The following SRRM4 variants were observed in gnomAD, a reference collection of about 807,000 sequenced individuals.
SRRM4 encodes serine/arginine repetitive matrix 4, also known as serine/arginine repetitive matrix protein 4.
A neutral mutation model predicts 68.9 loss-of-function variants in SRRM4; 33 were observed. That is an observed-to-expected ratio of 0.48 (90% CI 0.36 to 0.64). The LOEUF is 0.64. Ranked by LOEUF, SRRM4 falls within the 30% of genes least tolerant of loss-of-function variation. The pLI, the probability that SRRM4 is intolerant of heterozygous loss-of-function variation, is 0.00. For missense variants in SRRM4, 817 were observed against 827.1 expected, an observed-to-expected ratio of 0.99 and a Z score of 0.15; for synonymous variants, 318 against 318.8, an observed-to-expected ratio of 1.00 and a Z score of 0.03.
chr12:119,125,897 G>C (rs1241991812), intron 7 of SRRM4, among the ~76,000 whole-genome samples: 1 of 151,336 alleles, frequency 6.6e-6, no homozygotes, highest in African/African-American at 2.4e-5. Flanking sequence ...CTCCAGCCTG[G>C]GTGACAGAAC....
At chr12:119,050,052 GT>G (rs1953732729) in intron 1 of SRRM4, among the ~76,000 whole-genome samples, 1 of 152,150 alleles carries the variant, frequency 6.6e-6, no homozygotes, top group African/African-American at 2.4e-5. Flanking sequence ...AATTATTATT[GT>G]CATTATTGTC....
At chr12:119,099,250 T>C (rs892636482) in intron 1 of SRRM4, among the ~76,000 whole-genome samples, 1 of 152,218 alleles carries the variant, frequency 6.6e-6, no homozygotes, top group African/African-American at 2.4e-5. Context: ...TTCTCCTGCC[T>C]CAGCCTCCTG....
rs12298987 is a variant in SRRM4, at chr12:119,161,484, G to T, written c.*4686G>T. ...TTTTGGAGTAAAAGTTTCTGTGTGT[G>T]TTTTTTTAGTTCTTTTGATGGCTGT... On this transcript the variant is annotated 3_prime_UTR_variant, in exon 13 of 13. Coordinates refer to ENST00000267260, the MANE Select transcript of SRRM4 (RefSeq NM_194286.4). 3.9e-5 allele frequency: 6 copies of T among 152,150 alleles called. No individual in the cohort carries two copies. Among genetic ancestry groups the T allele is most frequent in the Admixed American group, 1.3e-4 (2 of 15,278 alleles). 9.4% of individuals were successfully genotyped at this position (152,150 alleles called of 1,614,324 possible). A position where few individuals can be genotyped will look rare whatever the true frequency, so the allele number is the denominator to read the frequency against.
chr12:119,104,089 G>A (rs1198050802), intron 2 of SRRM4, among the ~76,000 whole-genome samples: 2 of 152,154 alleles, frequency 1.3e-5, no homozygotes, highest in East Asian at 3.9e-4. Flanking sequence ...AGCAACCTTG[G>A]GCAAGTTTCT....
intron 8 of SRRM4, among the ~76,000 whole-genome samples, chr12:119,141,223 G>T (rs954086965): frequency 3.9e-5 from 6 of 152,198 alleles, no homozygotes; most frequent in African/African-American, 1.4e-4. Context: ...GATTACAGGC[G>T]TGAGCCACCA....
chr12:119,007,111 T>C (rs1343990594), intron 1 of SRRM4, among the ~76,000 whole-genome samples: 3 of 152,184 alleles, frequency 2.0e-5, no homozygotes, highest in Non-Finnish European at 2.9e-5. Context: ...CTAACTGAGC[T>C]GTAGACTAGA....
chr12:119,077,846 A>G lies in SRRM4; in HGVS notation c.132-24390A>G, dbSNP rs115524689. 1.9e-3 allele frequency among the ~76,000 whole-genome samples: 283 copies of G among 152,248 alleles called. 1 individual carries two copies. Among genetic ancestry groups the G allele is most frequent in the African/African-American group, 6.6e-3 (274 of 41,546 alleles). ...AACAATTACCTTCCATAAACTACAG[A>G]CAATAAGAGTGATTTTAGGGGAACT... On this transcript the variant is annotated intron_variant, in intron 1 of 12. Transcript: ENST00000267260.
chr12:118,993,261 G>T (rs980373924), intron 1 of SRRM4, among the ~76,000 whole-genome samples: 1 of 152,180 alleles, frequency 6.6e-6, no homozygotes, highest in Non-Finnish European at 1.5e-5. Flanking sequence ...GGGTGGGAAT[G>T]GTGTGACCGT....
rs79448386 is a variant in SRRM4, at chr12:119,081,512, A to G, written c.132-20724A>G. ...GTGGAGAGAACAAGGGGAAAGGAGCAGGAAGTGAGGTCAGAGTGGTAACAG... is the reference window on the plus strand; with the variant it reads ...GTGGAGAGAACAAGGGGAAAGGAGCGGGAAGTGAGGTCAGAGTGGTAACAG... On this transcript the variant is annotated intron_variant, in intron 1 of 12. Coordinates refer to ENST00000267260, the MANE Select transcript of SRRM4 (RefSeq NM_194286.4). 2.3e-3 allele frequency among the ~76,000 whole-genome samples: 350 copies of G among 152,328 alleles called. 3 individuals are homozygous for G. The highest frequency in any genetic ancestry group is 8.0e-3 in the African/African-American group (332 of 41,582).
intron 7 of SRRM4, among the ~76,000 whole-genome samples, chr12:119,127,689 T>C (rs569243653): frequency 1.2e-4 from 18 of 149,192 alleles, no homozygotes; most frequent in African/African-American, 4.2e-4. Context: ...GATTGCACCA[T>C]TGCACTCCAG....
At chr12:119,146,280 T>C (rs1212687710) in intron 9 of SRRM4, among the ~76,000 whole-genome samples, 1 of 152,166 alleles carries the variant, frequency 6.6e-6, no homozygotes, top group Non-Finnish European at 1.5e-5. Flanking sequence ...ATTTTACCAG[T>C]AATCTTAGAA....
rs1294012995 is a variant in SRRM4 at position 119,116,944 on chromosome 12, T to C, written c.373T>C (p.Ser125Pro). The C allele has an allele frequency of 6.2e-7, 1 of 1,613,518 alleles. No homozygotes were observed. Among genetic ancestry groups the C allele is most frequent in the Middle Eastern group, 1.6e-4 (1 of 6,062 alleles). Reference sequence around the variant, plus strand: ...TCTTCTTGGCCCTGGCAGGTCCTCATCCTATAGCCCATCGCCTGTCAAGAA... The same window carrying C: ...TCTTCTTGGCCCTGGCAGGTCCTCACCCTATAGCCCATCGCCTGTCAAGAA... ...STRKKRRRSS[S>P]YSPSPVKKKK... Residue 125 changes from serine (S) to proline (P), a missense_variant, in exon 4 of 13, where the codon TCC (serine) becomes CCC (proline). By Grantham distance (74) the Ser-to-Pro change is moderately conservative. Coordinates refer to ENST00000267260, the MANE Select transcript of SRRM4 (RefSeq NM_194286.4).
At chr12:119,085,220 G>A (rs932379441) in intron 1 of SRRM4, among the ~76,000 whole-genome samples, 2 of 152,184 alleles carry the variant, frequency 1.3e-5, no homozygotes, top group Non-Finnish European at 2.9e-5. Context: ...TTTTTAATTA[G>A]CAAACACAGA....
At chr12:119,036,294 A>T (rs1257866392) in intron 1 of SRRM4, among the ~76,000 whole-genome samples, 1 of 152,118 alleles carries the variant, frequency 6.6e-6, no homozygotes, top group Non-Finnish European at 1.5e-5. Context: ...GGATTCCAAA[A>T]TTTGATCTCA....
In SRRM4 at chr12:119,090,733, C is replaced by T. The variant is rs188112160; in HGVS notation, c.132-11503C>T. Among the ~76,000 whole-genome samples the T allele has an allele frequency of 8.3e-4, 127 of 152,276 alleles. 1 individual carries two copies. Among genetic ancestry groups the T allele is most frequent in the African/African-American group, 1.7e-3 (70 of 41,558 alleles). On this transcript the variant is annotated intron_variant, in intron 1 of 12. Transcript: ENST00000267260. Reference sequence around the variant, plus strand: ...ACCAAGTGTCCCTGAGTGTAGCACTCGCCCCTACTGGACCTCAGTTTCTCC... The same window carrying T: ...ACCAAGTGTCCCTGAGTGTAGCACTTGCCCCTACTGGACCTCAGTTTCTCC...
At chr12:119,066,037 CT>C (rs1417225212) in intron 1 of SRRM4, among the ~76,000 whole-genome samples, 2 of 152,136 alleles carry the variant, frequency 1.3e-5, no homozygotes, top group Non-Finnish European at 2.9e-5. Flanking sequence ...AGAGTAACCC[CT>C]CAATATGCCT....
chr12:119,040,695 C>T (rs958336671), intron 1 of SRRM4, among the ~76,000 whole-genome samples: 1 of 152,146 alleles, frequency 6.6e-6, no homozygotes, highest in African/African-American at 2.4e-5. Flanking sequence ...TTCTTTTCTG[C>T]AGGGTAGATA....
chr12:119,144,608 G>A (rs777688518), intron 8 of SRRM4: 1 of 152,162 alleles, frequency 6.6e-6, no homozygotes, highest in Non-Finnish European at 1.5e-5. Flanking sequence ...AGCCACTCAA[G>A]AGCCTTAGCT....
At chr12:119,036,575 G>A (rs180743366) in intron 1 of SRRM4, among the ~76,000 whole-genome samples, 14 of 152,274 alleles carry the variant, frequency 9.2e-5, no homozygotes, top group African/African-American at 3.1e-4. Context: ...CTCAATGTGT[G>A]TATTTCACTC....
Sources: allele counts gnomAD v4.1 joint callset (sites outside exome capture counted in the v4.1 genomes callset), GRCh38; gene constraint gnomAD v4.1.1; transcripts MANE v1.5; gene names NCBI Gene and HGNC (gene_info 2026-07-23, HGNC 2026-07-21).